DNMBP: variants seen among roughly 807,000 people sequenced by gnomAD.
DNMBP encodes the protein dynamin binding protein, also known as dynamin-binding protein.
A neutral mutation model predicts 150.0 loss-of-function variants in DNMBP; 87 were observed. The observed-to-expected ratio is 0.58, with a 90% CI of 0.49 to 0.69. DNMBP has a LOEUF of 0.69. Among genes scored for constraint, DNMBP ranks in the 30% least tolerant of loss-of-function variants. The probability of loss-of-function intolerance (pLI) is 0.00; values close to 1 mark genes in which losing one functional copy is unlikely to be tolerated. For missense variants in DNMBP, 1,774 were observed against 1,949.0 expected, an observed-to-expected ratio of 0.91 and a Z score of 1.69; for synonymous variants, 711 against 750.4, an observed-to-expected ratio of 0.95 and a Z score of 0.86.
intron 13 of DNMBP, 25 bp downstream of exon 13, chr10:99,886,275 C>T: frequency 6.3e-7 from 1 of 1,577,762 alleles, no homozygotes; most frequent in East Asian, 2.3e-5. Flanking sequence ...AGATGACCAT[C>T]CCACTGAACA....
rs775482569 is a variant in DNMBP at position 99,969,256 on chromosome 10, A to G, written c.146-19T>C. On this transcript the variant is annotated intron_variant, in intron 2 of 16. Transcript: ENST00000324109. Reference sequence around the variant, plus strand: ...AATTGTCCTGAAAATAAAAGCAAACATATTAAATTTTAATACTGAGATTTC... The same window carrying G: ...AATTGTCCTGAAAATAAAAGCAAACGTATTAAATTTTAATACTGAGATTTC... 7 of 1,613,382 alleles carry G rather than the reference A, an allele frequency of 4.3e-6. No homozygotes were observed. In the African/African-American group the frequency reaches 9.3e-5, roughly 22 times the overall value.
At chr10:99,895,647 A>G (rs1427428224) in intron 10 of DNMBP, among the ~76,000 whole-genome samples, 3 of 152,170 alleles carry the variant, frequency 2.0e-5, no homozygotes, top group African/African-American at 7.2e-5. Context: ...ACTGTTCCTC[A>G]TGAGGTTCCC....
chr10:99,961,602 A>G (rs1366760500), intron 3 of DNMBP, among the ~76,000 whole-genome samples: 3 of 151,676 alleles, frequency 2.0e-5, no homozygotes, highest in African/African-American at 7.3e-5. Flanking sequence ...ACCCTGGTCC[A>G]ATTCCCACCA....
At chr10:100,003,045 T>A (rs2041032859) in intron 1 of DNMBP, among the ~76,000 whole-genome samples, 1 of 151,972 alleles carries the variant, frequency 6.6e-6, no homozygotes, top group Admixed American at 6.6e-5. Flanking sequence ...GAAAAATGAA[T>A]AAGAAGTATA....
intron 1 of DNMBP, among the ~76,000 whole-genome samples, chr10:99,995,257 G>GCC (rs1398041739): frequency 6.6e-6 from 1 of 151,924 alleles, no homozygotes; most frequent in Non-Finnish European, 1.5e-5. Flanking sequence ...TCCCCATGTT[G>GCC]CCCAGGTTGG....
intron 6 of DNMBP, 152 bp from the exon 7 acceptor site, chr10:99,900,218 C>T (rs2039718842): frequency 5.3e-6 from 4 of 757,794 alleles, no homozygotes; most frequent in Non-Finnish European, 8.5e-6. Flanking sequence ...AAGAAACTTC[C>T]ATCTAACAGC....
intron 4 of DNMBP, among the ~76,000 whole-genome samples, chr10:99,931,735 GA>G: frequency 6.6e-6 from 1 of 152,316 alleles, no homozygotes; most frequent in Non-Finnish European, 1.5e-5. Flanking sequence ...TTGTGGAACA[GA>G]AAAAGACAAA....
intron 4 of DNMBP, among the ~76,000 whole-genome samples, chr10:99,919,191 G>A (rs1589418223): frequency 6.6e-6 from 1 of 152,262 alleles, no homozygotes; most frequent in South Asian, 2.1e-4. Context: ...ATTCAAAACT[G>A]GCCTCCCAAG....
At position 99,883,854 on chromosome 10, in the gene DNMBP, A is replaced by G. The variant is rs544047727; in HGVS notation, c.3997+157T>C. On this transcript the variant is annotated intron_variant, in intron 15 of 16. Transcript: ENST00000324109. ...AGGTTTTGTTTCAGTAATGATCTTC[A>G]CTCTCTAGAGAAGGTTAAGGTTATT... Among the ~76,000 whole-genome samples the G allele has an allele frequency of 2.6e-5, 4 of 151,866 alleles. 1 individual carries two copies. In the South Asian group the frequency reaches 8.3e-4, roughly 32 times the overall value.
intron 1 of DNMBP, among the ~76,000 whole-genome samples, chr10:99,981,568 C>A (rs1193325619): frequency 6.6e-6 from 1 of 152,194 alleles, no homozygotes; most frequent in African/African-American, 2.4e-5. Context: ...AACTTTTACC[C>A]TGATAGACAC....
chr10:99,944,579 C>T (rs973671632), intron 4 of DNMBP, among the ~76,000 whole-genome samples: 5 of 152,128 alleles, frequency 3.3e-5, no homozygotes. Context: ...TTGAGACCAG[C>T]GAGCACATCT....
intron 11 of DNMBP, 45 bp from the exon 12 acceptor site, chr10:99,888,998 T>C: frequency 6.2e-7 from 1 of 1,605,620 alleles, no homozygotes; most frequent in Non-Finnish European, 8.5e-7. Context: ...GACAGAACTT[T>C]CCAGCTTTTG....
chr10:99,884,279 T>G, intron 14 of DNMBP, 70 bp from the exon 15 acceptor site: 1 of 1,378,240 alleles, frequency 7.3e-7, no homozygotes, highest in Non-Finnish European at 1.0e-6. Flanking sequence ...CATCCCAACA[T>G]GTGGCCAGTC....
Position 99,879,754 on chromosome 10 carries a change from A to G in DNMBP, c.4548+57T>C, listed in dbSNP as rs2039333525. 3 of 1,595,746 alleles carry G rather than the reference A, an allele frequency of 1.9e-6. No individual in the cohort carries two copies. The Admixed American group carries it at 5.0e-5, about 27-fold the overall frequency. ...CCACTTCTGCCTCACCCCCGCTGGT[A>G]CCCACAACACATCTGCTGCCGCCTG... On this transcript the variant is annotated intron_variant, in intron 16 of 16. Coordinates refer to ENST00000324109, the MANE Select transcript of DNMBP (RefSeq NM_015221.4).
chr10:99,882,855 T>C (rs1312092544), intron 15 of DNMBP, among the ~76,000 whole-genome samples: 1 of 151,968 alleles, frequency 6.6e-6, no homozygotes. Flanking sequence ...CACCTGAGGT[T>C]AGGAGTTGGA....
chr10:99,929,992 G>C lies in DNMBP; in HGVS notation c.2261-20846C>G, dbSNP rs766167946. ...TTATTTTCTGTATCAAAATCACCCT[G>C]ATCCATAATATGAGTCTTTGCTTTG... On this transcript the variant is annotated intron_variant, in intron 4 of 16. Transcript: ENST00000324109. 34 of 702,774 alleles carry C rather than the reference G, an allele frequency of 4.8e-5. No individual in the cohort carries two copies. The South Asian group carries it at 5.0e-4, about 10-fold the overall frequency. 43.5% of individuals were successfully genotyped at this position (702,774 alleles called of 1,614,324 possible).
chr10:99,891,702 G>A (rs1024852525), intron 11 of DNMBP, among the ~76,000 whole-genome samples: 2 of 148,952 alleles, frequency 1.3e-5, no homozygotes, highest in African/African-American at 2.6e-5. Context: ...GTCTCTGCCC[G>A]GCCGCCATCC....
At chr10:100,007,241 C>T (rs7088596) in intron 1 of DNMBP, among the ~76,000 whole-genome samples, 71,322 of 152,072 alleles carry the variant, frequency 0.47, 17,748 homozygotes, top group African/African-American at 0.63. Context: ...AAGTTCTCCA[C>T]AGCATTATGA....
At chr10:99,896,592 G>A (rs1374964866) in intron 9 of DNMBP, among the ~76,000 whole-genome samples, 195 bp from the exon 10 acceptor site, 1 of 152,202 alleles carries the variant, frequency 6.6e-6, no homozygotes, top group Non-Finnish European at 1.5e-5. Context: ...AGCCAGGAGA[G>A]GGGCCAGAGA....
Sources: gnomAD v4.1 joint callset for allele counts (sites outside exome capture counted in the v4.1 genomes callset) on GRCh38, gnomAD v4.1.1 for gene constraint, MANE v1.5 for transcripts, NCBI Gene and HGNC (gene_info 2026-07-23, HGNC 2026-07-21) for gene names.